Variants in MTMR7 observed in about 807,000 individuals in gnomAD.
MTMR7 encodes the protein myotubularin related protein 7.
Under a neutral mutation model 81.2 loss-of-function variants are expected in MTMR7, and 76 were observed. The observed-to-expected ratio is 0.94, with a 90% CI of 0.78 to 1.13. MTMR7 has a LOEUF of 1.13. Ranked by LOEUF, MTMR7 falls within the 50% of genes most tolerant of loss-of-function variation. MTMR7 has a pLI of 0.00. For missense variants in MTMR7, 1,044 were observed against 820.0 expected (o/e 1.27, Z -3.34); for synonymous variants, 372 against 289.8 (o/e 1.28, Z -2.88).
At chr8:17,301,796 G>A (rs906862199) in intron 13 of MTMR7, 14 of 282,122 alleles carry the variant, frequency 5.0e-5, no homozygotes, top group Non-Finnish European at 8.4e-5. Flanking sequence ...TCTAAAAGTG[G>A]GGAAAGAGTT....
chr8:17,375,308 A>G (rs1292856769), intron 1 of MTMR7, among the ~76,000 whole-genome samples: 1 of 151,876 alleles, frequency 6.6e-6, no homozygotes, highest in East Asian at 1.9e-4. Context: ...GTCCCATCTC[A>G]CTTCCTCCCA....
At position 17,348,966 on chromosome 8, in the gene MTMR7, T is replaced by G. The variant is rs757179637; in HGVS notation, c.584A>C (p.Tyr195Ser). The G allele has an allele frequency of 1.2e-6, 2 of 1,613,658 alleles. No individual in the cohort carries two copies. Among genetic ancestry groups the G allele is most frequent in the Non-Finnish European group, 1.7e-6 (2 of 1,179,968 alleles). ...CTCGAGACTTACGTGGTTATCTTTA[T>G]AATAGTAAGAAAGGACAGGAAATCG... ...RRRFPVLSYYYKDNHASICRS... is the reference protein window; with the variant it reads ...RRRFPVLSYYSKDNHASICRS... Residue 195 changes from tyrosine to serine, a missense_variant, in exon 5 of 14, where the codon TAT becomes TCT. Transcript: ENST00000180173.
intron 3 of MTMR7, among the ~76,000 whole-genome samples, chr8:17,369,160 A>C (rs1268976555): frequency 6.6e-6 from 1 of 152,224 alleles, no homozygotes; most frequent in Non-Finnish European, 1.5e-5. Flanking sequence ...CTGTTAGCAC[A>C]GAATTCTCCT....
At chr8:17,389,788 T>C (rs1227361563) in intron 1 of MTMR7, among the ~76,000 whole-genome samples, 2 of 151,724 alleles carry the variant, frequency 1.3e-5, no homozygotes, top group Non-Finnish European at 2.9e-5. Flanking sequence ...CATCTGCAAA[T>C]GTGAAAAGTA....
chr8:17,413,265 C>T lies in MTMR7; in HGVS notation c.24+4G>A. ...CCTCCTCCGCCCGCGCTGGTGTCACCAACCTTGGGCGTACGGATGTGCTCC... is the reference window on the plus strand; with the variant it reads ...CCTCCTCCGCCCGCGCTGGTGTCACTAACCTTGGGCGTACGGATGTGCTCC... On this transcript the variant is annotated splice_donor_region_variant and intron_variant, in intron 1 of 13. Coordinates refer to ENST00000180173, the MANE Select transcript of MTMR7 (RefSeq NM_004686.5). 6.5e-7 allele frequency: 1 copy of T among 1,548,350 alleles called. No homozygotes were observed. Among genetic ancestry groups the T allele is most frequent in the Non-Finnish European group, 8.7e-7 (1 of 1,145,112 alleles).
intron 1 of MTMR7, among the ~76,000 whole-genome samples, chr8:17,392,945 G>C (rs77137477): frequency 6.6e-6 from 1 of 152,166 alleles, no homozygotes; most frequent in Non-Finnish European, 1.5e-5. Context: ...AATGTACTAT[G>C]TGCCATGTTA....
intron 1 of MTMR7, among the ~76,000 whole-genome samples, chr8:17,392,277 C>G (rs1821129869): frequency 6.6e-6 from 1 of 152,088 alleles, no homozygotes; most frequent in African/African-American, 2.4e-5. Flanking sequence ...ATAACCAAAC[C>G]TAATCAGTTA....
intron 7 of MTMR7, among the ~76,000 whole-genome samples, chr8:17,314,718 A>T (rs1198190049): frequency 6.6e-6 from 1 of 152,218 alleles, no homozygotes; most frequent in Admixed American, 6.5e-5. Flanking sequence ...TAAGAAAAAC[A>T]TATTATGAAT....
At chr8:17,407,598 T>TAA (rs11415153) in intron 1 of MTMR7, among the ~76,000 whole-genome samples, 3 of 148,382 alleles carry the variant, frequency 2.0e-5, no homozygotes, top group East Asian at 3.9e-4. Flanking sequence ...TCCATAGGAT[T>TAA]AAAAAAAAAA....
At position 17,361,154 on chromosome 8, in the gene MTMR7, T is replaced by C. The variant is rs142976666; in HGVS notation, c.431A>G (p.His144Arg). 7.4e-6 allele frequency: 12 copies of C among 1,614,192 alleles called. No individual in the cohort carries two copies. The African/African-American group carries it at 9.3e-5, about 13-fold the overall frequency. The change falls in exon 4 of 14, where the codon CAT becomes CGT. Residue 144 changes from histidine to arginine, a missense_variant. By Grantham distance (29) the His-to-Arg change is conservative. Coordinates refer to ENST00000180173, the MANE Select transcript of MTMR7 (RefSeq NM_004686.5). ...ATTCACATCGCTGAGCTGCCAGTAA[T>C]GATTAGGGAGGCCCATCCGCGTGTA... ...EEYTRMGLPN[H>R]YWQLSDVNRD...
intron 5 of MTMR7, among the ~76,000 whole-genome samples, chr8:17,344,542 T>C (rs369325511): frequency 6.6e-6 from 1 of 151,566 alleles, no homozygotes; most frequent in East Asian, 1.9e-4. Context: ...ACATGGGAGG[T>C]AGAGGCTGCA....
chr8:17,315,667 A>T (rs1818027587), intron 7 of MTMR7, among the ~76,000 whole-genome samples: 1 of 152,176 alleles, frequency 6.6e-6, no homozygotes, highest in Admixed American at 6.5e-5. Context: ...AATGTAACAG[A>T]CATCCAGATT....
chr8:17,395,033 A>C (rs897145953), intron 1 of MTMR7, among the ~76,000 whole-genome samples: 8 of 152,294 alleles, frequency 5.3e-5, no homozygotes, highest in Admixed American at 4.6e-4. Flanking sequence ...AAACTTTCTC[A>C]ACCCCTGAAA....
chr8:17,300,237 TAAC>T lies in MTMR7; in HGVS notation c.1621-16_1621-14del, dbSNP rs1817027787. 6.3e-7 allele frequency: 1 copy of T among 1,589,566 alleles called. No individual in the cohort carries two copies. The highest frequency in any genetic ancestry group is 8.6e-7 in the Non-Finnish European group (1 of 1,169,514). On this transcript the variant is annotated splice_polypyrimidine_tract_variant and intron_variant, in intron 13 of 13. Coordinates refer to ENST00000180173, the MANE Select transcript of MTMR7 (RefSeq NM_004686.5). ...TTTTTTCCAGCCTCTAAGAAAGAAA[TAAC>T]AATTTCAGGGGAAAAATCATAAATA...
intron 1 of MTMR7, among the ~76,000 whole-genome samples, chr8:17,397,684 T>C (rs1821304006): frequency 6.6e-6 from 1 of 152,128 alleles, no homozygotes; most frequent in South Asian, 2.1e-4. Context: ...CTAACTGGCT[T>C]CTCCACCTGC....
chr8:17,402,841 G>A (rs10101846), intron 1 of MTMR7, among the ~76,000 whole-genome samples: 7,675 of 152,172 alleles, frequency 0.05, 563 homozygotes, highest in African/African-American at 0.15. Flanking sequence ...CATAGTGATT[G>A]TACTAATTTA....
intron 1 of MTMR7, among the ~76,000 whole-genome samples, chr8:17,409,084 G>A (rs139885196): frequency 1.3e-5 from 2 of 151,970 alleles, no homozygotes; most frequent in African/African-American, 2.4e-5. Context: ...AATACTATAA[G>A]ATCCACAACA....
chr8:17,364,275 T>C (rs555350906), intron 3 of MTMR7, among the ~76,000 whole-genome samples: 358 of 152,166 alleles, frequency 2.4e-3, no homozygotes, highest in Non-Finnish European at 4.2e-3. Flanking sequence ...CCTTGTGATC[T>C]GCCCGCCTCG....
At chr8:17,302,078 T>G (rs1249441014) in intron 13 of MTMR7, 76 bp downstream of exon 13, 3 of 1,582,898 alleles carry the variant, frequency 1.9e-6, no homozygotes, top group Non-Finnish European at 2.6e-6. Flanking sequence ...GCACTGAATC[T>G]TAAGAGGCTT....
Sources: allele counts gnomAD v4.1 joint callset (sites outside exome capture counted in the v4.1 genomes callset), GRCh38; gene constraint gnomAD v4.1.1; transcripts MANE v1.5; gene names NCBI Gene and HGNC (gene_info 2026-07-23, HGNC 2026-07-21).